Variants in GMEB1 observed in about 807,000 individuals in gnomAD.
The protein encoded by GMEB1 is glucocorticoid modulatory element binding protein 1.
GMEB1 carries 6 observed loss-of-function variants against 52.4 expected under a neutral mutation model. The observed-to-expected ratio is 0.11, with a 90% confidence interval of 0.06 to 0.23. The LOEUF is 0.23. GMEB1 is among the 10% of genes least tolerant of loss of function. GMEB1 has a pLI of 1.00. For missense variants in GMEB1, 486 were observed against 685.6 expected, an observed-to-expected ratio of 0.71 and a Z score of 3.25; for synonymous variants, 255 against 244.9, an observed-to-expected ratio of 1.04 and a Z score of -0.38.
intron 2 of GMEB1, among the ~76,000 whole-genome samples, chr1:28,687,961 G>C (rs1669764440): frequency 1.3e-5 from 2 of 152,088 alleles, no homozygotes; most frequent in African/African-American, 4.8e-5. Context: ...TAGACATAAC[G>C]AATTCGACAA....
In GMEB1 at chr1:28,695,025, C is replaced by T. The variant is rs1670135793; in HGVS notation, c.441-1902C>T. Reference sequence around the variant, plus strand: ...TGTTGCCCAGGCTGAAGTGCAGTGGCATGATCTTGGCTCACTGCAATCTCC... The same window carrying T: ...TGTTGCCCAGGCTGAAGTGCAGTGGTATGATCTTGGCTCACTGCAATCTCC... On this transcript the variant is annotated intron_variant, in intron 5 of 9. Transcript: ENST00000373816. Among the ~76,000 whole-genome samples the T allele has an allele frequency of 2.1e-5, 3 of 141,858 alleles. No individual in the cohort carries two copies. In the South Asian group the frequency reaches 6.7e-4, roughly 31 times the overall value. 93.1% of individuals were successfully genotyped at this position (141,858 alleles called of 152,430 possible).
chr1:28,705,410 A>G (rs1400068948), intron 8 of GMEB1, among the ~76,000 whole-genome samples: 1 of 150,098 alleles, frequency 6.7e-6, no homozygotes. Flanking sequence ...AAAAACTGAC[A>G]GAAAGCATCC....
In GMEB1 at chr1:28,690,085, A is replaced by T; in HGVS notation, c.129-19A>T. The T allele has an allele frequency of 6.3e-7, 1 of 1,575,284 alleles. No homozygotes were observed. Among genetic ancestry groups the T allele is most frequent in the Non-Finnish European group, 8.7e-7 (1 of 1,155,188 alleles). Reference sequence around the variant, plus strand: ...CATGATTTATGTAGTTTGTTTATCGATGGACACTTTTACAACAGGATTTAT... The same window carrying T: ...CATGATTTATGTAGTTTGTTTATCGTTGGACACTTTTACAACAGGATTTAT... On this transcript the variant is annotated intron_variant, in intron 2 of 9. Coordinates refer to ENST00000373816, the MANE Select transcript of GMEB1 (RefSeq NM_001319674.2).
chr1:28,668,947 CG>C (rs960887934), intron 1 of GMEB1, 108 bp downstream of exon 1: 1 of 136,018 alleles, frequency 7.4e-6, no homozygotes, highest in Non-Finnish European at 1.6e-5. Flanking sequence ...GCGCAGGGGG[CG>C]GGGGGCTGCT....
upstream of GMEB1, among the ~76,000 whole-genome samples, chr1:28,668,357 A>C (rs1173580136): frequency 1.3e-5 from 2 of 151,996 alleles, no homozygotes; most frequent in African/African-American, 4.8e-5. Context: ...TTACTGATCT[A>C]TGCAGATCTT....
At chr1:28,694,908 C>A (rs1171822228) in intron 5 of GMEB1, among the ~76,000 whole-genome samples, 1 of 151,388 alleles carries the variant, frequency 6.6e-6, no homozygotes, top group African/African-American at 2.4e-5. Context: ...TTGATCTGCC[C>A]ACCTCAGCCT....
intron 1 of GMEB1, among the ~76,000 whole-genome samples, chr1:28,679,031 C>A (rs1019155848): frequency 1.3e-5 from 2 of 152,082 alleles, no homozygotes; most frequent in African/African-American, 2.4e-5. Context: ...CTGCCTCAAC[C>A]TCCGGCTAAT....
Position 28,714,897 on chromosome 1 carries a change from T to C in GMEB1, c.*124T>C, listed in dbSNP as rs929923694. On this transcript the variant is annotated 3_prime_UTR_variant, in exon 10 of 10. Transcript: ENST00000373816. ...TTAAAAAAAAAAAAACAAAATCTTATTGTTGTAACTGAAAATGTTGGGTTC... is the reference window on the plus strand; with the variant it reads ...TTAAAAAAAAAAAAACAAAATCTTACTGTTGTAACTGAAAATGTTGGGTTC... 5 of 703,398 alleles carry C rather than the reference T, an allele frequency of 7.1e-6. No individual in the cohort carries two copies. Among genetic ancestry groups the C allele is most frequent in the African/African-American group, 5.4e-5 (3 of 55,716 alleles). 43.6% of individuals were successfully genotyped at this position (703,398 alleles called of 1,614,324 possible).
At chr1:28,676,466 G>C (rs972694314) in intron 1 of GMEB1, among the ~76,000 whole-genome samples, 1 of 152,122 alleles carries the variant, frequency 6.6e-6, no homozygotes. Context: ...GGTGGCTCAC[G>C]CCTGTAATCC....
chr1:28,670,718 C>T (rs1355599728), intron 1 of GMEB1, among the ~76,000 whole-genome samples: 10 of 152,078 alleles, frequency 6.6e-5, no homozygotes, highest in Non-Finnish European at 1.5e-4. Context: ...TGTGATTCGC[C>T]CGCGTTGGCC....
At position 28,716,823 on chromosome 1, in the gene GMEB1, T is replaced by G. The variant is rs1284126212; in HGVS notation, c.*2050T>G. 1.3e-5 allele frequency: 2 copies of G among 152,150 alleles called. No homozygotes were observed. Among genetic ancestry groups the G allele is most frequent in the East Asian group, 3.8e-4 (2 of 5,200 alleles). The allele number at this position is 152,150 out of a possible 1,614,324, so 9.4% of individuals were successfully genotyped here. A position where few individuals can be genotyped will look rare whatever the true frequency, so the allele number is the denominator to read the frequency against. On this transcript the variant is annotated 3_prime_UTR_variant, in exon 10 of 10. Transcript: ENST00000373816. ...CTGGGCCATTTTCCGTGCTGCGATTTCTTCTCTTTGACCCTCTTCAGTGTT... is the reference window on the plus strand; with the variant it reads ...CTGGGCCATTTTCCGTGCTGCGATTGCTTCTCTTTGACCCTCTTCAGTGTT...
chr1:28,704,079 C>G, intron 7 of GMEB1, 113 bp from the exon 8 acceptor site: 1 of 1,005,188 alleles, frequency 9.9e-7, no homozygotes, highest in Non-Finnish European at 1.4e-6. Flanking sequence ...AGGAATGGCC[C>G]AATAAGAAAT....
At chr1:28,709,361 C>A (rs1203524214) in intron 8 of GMEB1, among the ~76,000 whole-genome samples, 1 of 152,008 alleles carries the variant, frequency 6.6e-6, no homozygotes, top group Non-Finnish European at 1.5e-5. Flanking sequence ...CCATGTTTGA[C>A]ACTTAAAATA....
Position 28,714,060 on chromosome 1 carries a change from T to G in GMEB1, c.992-13T>G. 2 of 1,590,628 alleles carry G rather than the reference T, an allele frequency of 1.3e-6. No homozygotes were observed. The highest frequency in any genetic ancestry group is 1.7e-6 in the Non-Finnish European group (2 of 1,163,880). ...ACTTCCCTCTACACAAAGTCTTTTC[T>G]TTTTTTCCATAGACTTGGAACGCCA... is the stretch of plus-strand genomic sequence containing the variant. On this transcript the variant is annotated splice_polypyrimidine_tract_variant and intron_variant, in intron 9 of 9. Transcript: ENST00000373816.
chr1:28,670,349 C>T lies in GMEB1; in HGVS notation c.-31+1510C>T, dbSNP rs1267734414. On this transcript the variant is annotated intron_variant, in intron 1 of 9. Transcript: ENST00000373816. ...TTGTTGTTGTTGTTGTTGTTTGAGACGGAGTTTCACTCCTGTTGCCCAGAC... is the reference window on the plus strand; with the variant it reads ...TTGTTGTTGTTGTTGTTGTTTGAGATGGAGTTTCACTCCTGTTGCCCAGAC... 3.3e-5 allele frequency among the ~76,000 whole-genome samples: 5 copies of T among 151,014 alleles called. No homozygotes were observed. In the Admixed American group the frequency reaches 3.3e-4, roughly 10 times the overall value.
chr1:28,682,981 A>T (rs901657447), intron 1 of GMEB1, among the ~76,000 whole-genome samples: 2 of 152,142 alleles, frequency 1.3e-5, no homozygotes, highest in Non-Finnish European at 2.9e-5. Flanking sequence ...TCGAAGTTGG[A>T]AGAGATATGT....
chr1:28,676,774 T>TTGCCATCA (rs1377370628), intron 1 of GMEB1, among the ~76,000 whole-genome samples: 2 of 151,842 alleles, frequency 1.3e-5, no homozygotes, highest in Middle Eastern at 3.2e-3. Flanking sequence ...TTGTATGAAA[T>TTGCCATCA]TGCCATCAAG....
At chr1:28,687,363 C>A (rs1233572799) in intron 2 of GMEB1, among the ~76,000 whole-genome samples, 3 of 46,798 alleles carry the variant, frequency 6.4e-5, no homozygotes, top group East Asian at 8.3e-4. Context: ...CACACACACA[C>A]ACACACACAC....
At chr1:28,692,154 G>A (rs1223732635) in intron 4 of GMEB1, among the ~76,000 whole-genome samples, 1 of 151,888 alleles carries the variant, frequency 6.6e-6, no homozygotes, top group Non-Finnish European at 1.5e-5. Context: ...GGGACCACAG[G>A]TGTGCACCAC....
Sources: gnomAD v4.1 joint callset for allele counts (sites outside exome capture counted in the v4.1 genomes callset) on GRCh38, gnomAD v4.1.1 for gene constraint, MANE v1.5 for transcripts, NCBI Gene and HGNC (gene_info 2026-07-23, HGNC 2026-07-21) for gene names.